PHF24: variants seen among roughly 807,000 people sequenced by gnomAD.
PHF24 encodes the protein PHD finger protein 24.
In PHF24, 25 loss-of-function variants were observed where a neutral mutation model predicts 42.6. That is an observed-to-expected ratio of 0.59 (90% CI 0.43 to 0.82). The LOEUF (loss-of-function observed/expected upper bound fraction) is 0.82, where lower values mean the gene tolerates loss of function less well. Among genes scored for constraint, PHF24 ranks in the 40% least tolerant of loss-of-function variants. PHF24 has a pLI of 0.00. For missense variants in PHF24, 470 were observed against 538.1 expected (o/e 0.87, Z 1.25); for synonymous variants, 185 against 204.8 (o/e 0.90, Z 0.83).
chr9:34,726,615 G>A, the PHF24 span: 3 of 1,551,830 alleles, frequency 1.9e-6, no homozygotes, highest in East Asian at 2.4e-5. Context: ...TCTGGCACTT[G>A]AAATTCCTGC....
chr9:34,726,936 G>T, the PHF24 span: 15 of 1,551,474 alleles, frequency 9.7e-6, no homozygotes, highest in Admixed American at 7.8e-5. Context: ...TGGCAGCAGG[G>T]ATCTGCACAC....
At chr9:34,864,073 G>T in the PHF24 span, among the ~76,000 whole-genome samples, 1 of 152,208 alleles carries the variant, frequency 6.6e-6, no homozygotes, top group African/African-American at 2.4e-5. Context: ...TAGTGAGCTT[G>T]AATGCAGGCT....
the PHF24 span, among the ~76,000 whole-genome samples, chr9:34,857,972 G>GTTT: frequency 6.6e-4 from 63 of 95,980 alleles, no homozygotes; most frequent in Admixed American, 3.4e-3. Flanking sequence ...TGTTTCTCTG[G>GTTT]TTTTTTTTTT....
the PHF24 span, among the ~76,000 whole-genome samples, chr9:34,858,150 G>A: frequency 1.6e-4 from 24 of 151,830 alleles, no homozygotes; most frequent in South Asian, 2.1e-4. Flanking sequence ...AGTTACTGGC[G>A]CTTTATTTTG....
At chr9:34,847,558 G>A in the PHF24 span, among the ~76,000 whole-genome samples, 13 of 151,606 alleles carry the variant, frequency 8.6e-5, no homozygotes, top group Admixed American at 8.6e-4. Context: ...AGGGACAATT[G>A]GACTTCCTCT....
At chr9:34,793,587 T>C in the PHF24 span, among the ~76,000 whole-genome samples, 1 of 152,058 alleles carries the variant, frequency 6.6e-6, no homozygotes, top group African/African-American at 2.4e-5. Context: ...GATGTTATGC[T>C]TTTTTTCCCT....
chr9:34,916,325 C>T, the PHF24 span, among the ~76,000 whole-genome samples: 126 of 152,266 alleles, frequency 8.3e-4, 3 homozygotes, highest in Middle Eastern at 0.01. Context: ...ACTCTTTTAT[C>T]GGGGTAGGAA....
chr9:34,974,039 C>G (rs1407135776), intron 3 of PHF24, among the ~76,000 whole-genome samples: 1 of 152,110 alleles, frequency 6.6e-6, no homozygotes, highest in East Asian at 1.9e-4. Context: ...CAGGGTCTCA[C>G]TGTGTCACCT....
the PHF24 span, among the ~76,000 whole-genome samples, chr9:34,773,424 GC>G: frequency 6.7e-6 from 1 of 150,360 alleles, no homozygotes; most frequent in Admixed American, 6.6e-5. Flanking sequence ...AGAAACAAGT[GC>G]TAAAAAAAAA....
At chr9:34,846,607 G>A in the PHF24 span, among the ~76,000 whole-genome samples, 1 of 152,150 alleles carries the variant, frequency 6.6e-6, no homozygotes, top group South Asian at 2.1e-4. Context: ...AGTTTAATTA[G>A]ATCCCATTTG....
At chr9:34,779,135 A>T in the PHF24 span, among the ~76,000 whole-genome samples, 1 of 152,112 alleles carries the variant, frequency 6.6e-6, no homozygotes, top group Non-Finnish European at 1.5e-5. Context: ...AAACATCTAT[A>T]TTAAAAGAGA....
At chr9:34,930,903 G>C in the PHF24 span, among the ~76,000 whole-genome samples, 13 of 152,196 alleles carry the variant, frequency 8.5e-5, no homozygotes, top group African/African-American at 3.1e-4. Context: ...TTTGTGTCCC[G>C]GCCCAAATCT....
the PHF24 span, among the ~76,000 whole-genome samples, chr9:34,696,031 G>T: frequency 6.6e-6 from 1 of 152,170 alleles, no homozygotes; most frequent in Non-Finnish European, 1.5e-5. Context: ...TGGATGAAAT[G>T]TTGGAAGTCA....
chr9:34,778,324 G>T, the PHF24 span, among the ~76,000 whole-genome samples: 1 of 152,190 alleles, frequency 6.6e-6, no homozygotes, highest in African/African-American at 2.4e-5. Context: ...TCAAAAGGCA[G>T]AAATTGTCAG....
chr9:34,725,828 A>G, the PHF24 span: 1 of 1,550,700 alleles, frequency 6.4e-7, no homozygotes, highest in Non-Finnish European at 8.7e-7. Context: ...GAGCTCATTG[A>G]AGAGAAAAGG....
the PHF24 span, among the ~76,000 whole-genome samples, chr9:34,743,667 G>A: frequency 4.6e-5 from 7 of 152,156 alleles, no homozygotes; most frequent in East Asian, 1.9e-4. Flanking sequence ...GAGTTTGTGC[G>A]AAAAATTTAC....
At chr9:34,875,844 C>T in the PHF24 span, among the ~76,000 whole-genome samples, 1 of 150,140 alleles carries the variant, frequency 6.7e-6, no homozygotes, top group Non-Finnish European at 1.5e-5. Context: ...GCCTATCGAC[C>T]CAGCCTCTCA....
chr9:34,686,636 C>A, the PHF24 span, among the ~76,000 whole-genome samples: 2 of 152,170 alleles, frequency 1.3e-5, no homozygotes, highest in Admixed American at 1.3e-4. Context: ...ATGTCAGATA[C>A]TTTTAGGGAG....
the PHF24 span, among the ~76,000 whole-genome samples, chr9:34,871,431 T>G: frequency 2.0e-5 from 3 of 152,204 alleles, no homozygotes; most frequent in African/African-American, 7.2e-5. Flanking sequence ...AGAGAAGACT[T>G]TTTTCATTTT....
Sources: allele counts gnomAD v4.1 joint callset (sites outside exome capture counted in the v4.1 genomes callset), GRCh38; gene constraint gnomAD v4.1.1; transcripts MANE v1.5; gene names NCBI Gene and HGNC (gene_info 2026-07-23, HGNC 2026-07-21).